The following FAU variants were observed in gnomAD, a reference collection of about 807,000 sequenced individuals.
FAU encodes the protein FAU ubiquitin like and ribosomal protein S30 fusion, also known as ubiquitin-like FUBI-ribosomal protein eS30 fusion protein.
For synonymous variants in FAU, 70 were observed against 69.9 expected (o/e 1.00, Z -0.01); for missense variants, 125 against 173.9 (o/e 0.72, Z 1.58).
chr11:65,121,019 G>A lies in FAU; in HGVS notation c.238C>T (p.Leu80=). 2 of 1,614,148 alleles carry A rather than the reference G, an allele frequency of 1.2e-6. No homozygotes were observed. Among genetic ancestry groups the A allele is most frequent in the Non-Finnish European group, 1.7e-6 (2 of 1,180,024 alleles). ...CCTCTCACTTTTCCAGCACGGGCCA[G>A]GGAACCATGGACTTTACCTGTAGTG... The part of the protein sequence containing the change: ...RMLGGKVHGS[L]ARAGKVRGQT... Residue 80 remains leucine, a synonymous_variant, in exon 4 of 5, where the codon CTG becomes TTG. Transcript: ENST00000529639.
intron 1 of FAU, 100 bp downstream of exon 1, chr11:65,121,990 G>A (rs905779318): frequency 3.0e-6 from 2 of 673,992 alleles, no homozygotes; most frequent in Non-Finnish European, 5.0e-6. Context: ...CTGGAGCAGG[G>A]CCACGGAGCA....
chr11:65,120,824 A>G lies in FAU; in HGVS notation c.277-18T>C. Reference sequence around the variant, plus strand: ...TTGGCCACCTGGAGAAGGGAAGGTTAATCAGGCCCTGGTTCCTGTCTTCCA... The same window carrying G: ...TTGGCCACCTGGAGAAGGGAAGGTTGATCAGGCCCTGGTTCCTGTCTTCCA... On this transcript the variant is annotated intron_variant, in intron 4 of 4. Transcript: ENST00000529639. 2 of 1,613,880 alleles carry G rather than the reference A, an allele frequency of 1.2e-6. No individual in the cohort carries two copies. The highest frequency in any genetic ancestry group is 1.7e-5 in the Admixed American group (1 of 60,002).
Position 65,121,785 on chromosome 11 carries a change from A to G in FAU, c.29T>C (p.Leu10Pro). 1 of 1,614,112 alleles carries G rather than the reference A, an allele frequency of 6.2e-7. No homozygotes were observed. The highest frequency in any genetic ancestry group is 1.7e-5 in the Admixed American group (1 of 60,024). Residue 10 changes from leucine (L) to proline (P), a missense_variant, in exon 2 of 5, where the codon CTA becomes CCA. Physicochemically the swap from Leu to Pro is moderately conservative, Grantham distance 98. Coordinates refer to ENST00000529639, the MANE Select transcript of FAU (RefSeq NM_001997.5). Reference protein sequence around the residue: MQLFVRAQELHTFEVTGQET... With the variant: MQLFVRAQEPHTFEVTGQET... ...CTGGCCGGTCACCTCGAAGGTGTGTAGCTCCTGGGCGCGGACAAAGAGCTG... is the reference window on the plus strand; with the variant it reads ...CTGGCCGGTCACCTCGAAGGTGTGTGGCTCCTGGGCGCGGACAAAGAGCTG...
intron 1 of FAU, 133 bp from the exon 2 acceptor site, chr11:65,121,954 G>A (rs1478268318): frequency 2.4e-6 from 2 of 841,116 alleles, no homozygotes; most frequent in Non-Finnish European, 3.8e-6. Flanking sequence ...GGGAAGGCCA[G>A]GCCTCCCAAG....
rs1490163510 is a variant in FAU, at chr11:65,122,099, G to A, written c.-18C>T. 1.8e-5 allele frequency: 11 copies of A among 598,478 alleles called. No homozygotes were observed. Among genetic ancestry groups the A allele is most frequent in the Non-Finnish European group, 3.3e-5 (11 of 337,392 alleles). 37.1% of individuals were successfully genotyped at this position (598,478 alleles called of 1,614,324 possible). On this transcript the variant is annotated 5_prime_UTR_variant, in exon 1 of 5. Transcript: ENST00000529639. ...AAGGCCCCATTCTTACCTGAACGGC[G>A]GTCCCAGCTACCGCGAAGATGGAGT...
At chr11:65,121,455 C>T (rs1389523279) in intron 3 of FAU, 45 bp downstream of exon 3, 7 of 1,597,440 alleles carry the variant, frequency 4.4e-6, no homozygotes, top group Non-Finnish European at 6.0e-6. Context: ...CCCACACTCA[C>T]TAGACGCTTA....
rs778840134 is a variant in FAU at position 65,121,482 on chromosome 11, C to T, written c.220+18G>A. 1 of 1,609,898 alleles carries T rather than the reference C, an allele frequency of 6.2e-7. No individual in the cohort carries two copies. The stretch of plus-strand genomic sequence containing the variant: ...AGACGCTTACCGGTACTTCAAAGAA[C>T]ATTCCTCTCTCACTCACCTCCAAGC... On this transcript the variant is annotated intron_variant, in intron 3 of 4. Transcript: ENST00000529639.
Position 65,121,658 on chromosome 11 carries a change from T to C in FAU, c.76-14A>G, listed in dbSNP as rs200175300. 9 of 1,613,596 alleles carry C rather than the reference T, an allele frequency of 5.6e-6. No individual in the cohort carries two copies. In the South Asian group the frequency reaches 8.8e-5, roughly 16 times the overall value. On this transcript the variant is annotated splice_polypyrimidine_tract_variant and intron_variant, in intron 2 of 4. Transcript: ENST00000529639. ...GGCTACATGAGCCTACAGGGAAAGA[T>C]AAGGCTCGTAAGCGTTCCCTCGGGC...
At chr11:65,121,461 G>C (rs751531746) in intron 3 of FAU, 39 bp downstream of exon 3, 1 of 1,601,126 alleles carries the variant, frequency 6.2e-7, no homozygotes, top group Non-Finnish European at 8.5e-7. Flanking sequence ...CTCACTAGAC[G>C]CTTACCGGTA....
rs2137217800 is a variant in FAU at position 65,120,760 on chromosome 11, C to T, written c.323G>A (p.Arg108Gln). Residue 108 changes from arginine (R) to glutamine (Q), a missense_variant, in exon 5 of 5, where the codon CGG (arginine) becomes CAG (glutamine). By Grantham distance (43) the Arg-to-Gln change is conservative. Transcript: ENST00000529639. ...KKKKKTGRAK[R>Q]RMQYNRRFVN... ...AAAGCGCCGGTTGTACTGCATCCGCCGCTTAGCCCGACCTGTCTTCTTCTT... is the reference window on the plus strand; with the variant it reads ...AAAGCGCCGGTTGTACTGCATCCGCTGCTTAGCCCGACCTGTCTTCTTCTT... 6.2e-7 allele frequency: 1 copy of T among 1,614,160 alleles called. No homozygotes were observed. The highest frequency in any genetic ancestry group is 8.5e-7 in the Non-Finnish European group (1 of 1,180,028).
chr11:65,120,922 G>C (rs1436467553), intron 4 of FAU, 59 bp downstream of exon 4: 1 of 1,611,138 alleles, frequency 6.2e-7, no homozygotes, highest in Non-Finnish European at 8.5e-7. Flanking sequence ...CCAGGGACTT[G>C]GTTTAGCTGT....
At chr11:65,121,466 C>G (rs377444105) in intron 3 of FAU, 34 bp downstream of exon 3, 1 of 1,604,536 alleles carries the variant, frequency 6.2e-7, no homozygotes, top group Non-Finnish European at 8.5e-7. Flanking sequence ...TAGACGCTTA[C>G]CGGTACTTCA....
Position 65,121,540 on chromosome 11 carries a change from C to A in FAU, c.180G>T (p.Glu60Asp), listed in dbSNP as rs763316245. 2.5e-6 allele frequency: 4 copies of A among 1,614,000 alleles called. No homozygotes were observed. Residue 60 changes from glutamate (E) to aspartate (D), a missense_variant, in exon 3 of 5, where the codon GAG becomes GAT. By Grantham distance (45) the Glu-to-Asp change is conservative (BLOSUM62 2). Transcript: ENST00000529639. ...DEATLGQCGV[E>D]ALTTLEVAGR... ...CTGCTACTTCCAGGGTAGTCAGGGC[C>A]TCCACCCCGCACTGGCCCAGAGTGG...
At chr11:65,121,676 C>A (rs755652424) in intron 2 of FAU, 32 bp from the exon 3 acceptor site, 1 of 1,613,650 alleles carries the variant, frequency 6.2e-7, no homozygotes, top group East Asian at 2.2e-5. Flanking sequence ...GTAAGCGTTC[C>A]CTCGGGCCGC....
At chr11:65,121,207 G>T in intron 3 of FAU, 171 bp from the exon 4 acceptor site, 1 of 810,206 alleles carries the variant, frequency 1.2e-6, no homozygotes, top group Non-Finnish European at 1.9e-6. Context: ...GGATCTTCCA[G>T]CTTCTAATTT....
chr11:65,121,521 C>G lies in FAU; in HGVS notation c.199G>C (p.Val67Leu). Residue 67 changes from valine (V) to leucine (L), a missense_variant, in exon 3 of 5, where the codon GTA becomes CTA. Physicochemically the swap from Val to Leu is conservative, Grantham distance 32. Transcript: ENST00000529639. ...CGVEALTTLEVAGRMLGGKVH... is the reference protein window; with the variant it reads ...CGVEALTTLELAGRMLGGKVH... ...TCACCTCCAAGCATGCGGCCTGCTACTTCCAGGGTAGTCAGGGCCTCCACC... is the reference window on the plus strand; with the variant it reads ...TCACCTCCAAGCATGCGGCCTGCTAGTTCCAGGGTAGTCAGGGCCTCCACC... 6.2e-7 allele frequency: 1 copy of G among 1,613,492 alleles called. No homozygotes were observed. The highest frequency in any genetic ancestry group is 8.5e-7 in the Non-Finnish European group (1 of 1,179,770).
intron 1 of FAU, 91 bp downstream of exon 1, chr11:65,121,999 C>A (rs1948053619): frequency 7.7e-6 from 5 of 647,710 alleles, no homozygotes; most frequent in Non-Finnish European, 1.3e-5. Context: ...GGCCACGGAG[C>A]AGGCCCCGTT....
chr11:65,121,096 C>A, intron 3 of FAU, 60 bp from the exon 4 acceptor site: 1 of 1,554,664 alleles, frequency 6.4e-7, no homozygotes, highest in Non-Finnish European at 8.9e-7. Flanking sequence ...CCAGCAGAAC[C>A]CCTCTTTTCT....
Position 65,120,673 on chromosome 11 carries a change from C to G in FAU, c.*8G>C. 1.2e-6 allele frequency: 2 copies of G among 1,612,920 alleles called. No individual in the cohort carries two copies. Among genetic ancestry groups the G allele is most frequent in the Non-Finnish European group, 1.7e-6 (2 of 1,179,636 alleles). On this transcript the variant is annotated 3_prime_UTR_variant, in exon 5 of 5. Transcript: ENST00000529639. ...TTTTTATTAGAGAAAGCCAGAATTA[C>G]AAAAGACTTAAGAGTTGGCATTGGG...
Sources: allele counts gnomAD v4.1 joint callset, GRCh38; gene constraint gnomAD v4.1.1; transcripts MANE v1.5; gene names NCBI Gene and HGNC (gene_info 2026-07-23, HGNC 2026-07-21).